FBN3: variants seen among roughly 807,000 people sequenced by gnomAD.
FBN3 encodes the protein fibrillin-3.
FBN3 carries 234 observed loss-of-function variants against 330.1 expected under a neutral mutation model. The ratio of observed to expected loss-of-function variants is 0.71; its 90% CI spans 0.64 to 0.79. The LOEUF is 0.79. Among genes scored for constraint, FBN3 ranks in the 30% least tolerant of loss-of-function variants. The pLI, the probability that FBN3 is intolerant of heterozygous loss-of-function variation, is 0.00. For missense variants in FBN3, 3,606 were observed against 3,886.9 expected (o/e 0.93, Z 1.92); for synonymous variants, 1,458 against 1,517.3 (o/e 0.96, Z 0.91).
intron 22 of FBN3, among the ~76,000 whole-genome samples, chr19:8,125,369 G>A (rs545382879): frequency 6.6e-6 from 1 of 152,022 alleles, no homozygotes; most frequent in Non-Finnish European, 1.5e-5. Context: ...AGATGAGATT[G>A]CGCCACTGCA....
In FBN3 at chr19:8,066,098, G is replaced by T; in HGVS notation, c.8251C>A (p.Arg2751Ser). 6.2e-7 allele frequency: 1 copy of T among 1,613,538 alleles called. No homozygotes were observed. Among genetic ancestry groups the T allele is most frequent in the South Asian group, 1.1e-5 (1 of 91,084 alleles). ...CTGACGCCACGGAGGTGATGCATGC[G>T]AAAGAAACCTTGCTCGTTTCCGCGG... is the stretch of plus-strand genomic sequence containing the variant. ...IVRGNEQGFF[R>S]MHHLRGVSSL... Residue 2751 changes from arginine to serine, a missense_variant, in exon 64 of 64, where the codon CGC (arginine) becomes AGC (serine). Physicochemically the swap from Arg to Ser is moderately radical, Grantham distance 110. Coordinates refer to ENST00000600128, the MANE Select transcript of FBN3 (RefSeq NM_032447.5).
chr19:8,095,015 C>A (rs1268265601), intron 46 of FBN3, among the ~76,000 whole-genome samples: 7 of 151,968 alleles, frequency 4.6e-5, no homozygotes, highest in Admixed American at 3.3e-4. Context: ...CCCTGTTGCC[C>A]AGGCTGGATG....
intron 51 of FBN3, 120 bp downstream of exon 51, chr19:8,089,425 G>T: frequency 9.5e-7 from 1 of 1,048,794 alleles, no homozygotes; most frequent in Non-Finnish European, 1.4e-6. Flanking sequence ...ATGGGGGAGA[G>T]AGGCAGTGGT....
chr19:8,068,405 T>C, intron 63 of FBN3, among the ~76,000 whole-genome samples: 1 of 97,642 alleles, frequency 1.0e-5, no homozygotes, highest in African/African-American at 3.8e-5. Flanking sequence ...AAAAAAAAAA[T>C]CAATAAATAG....
At chr19:8,095,556 A>G in intron 45 of FBN3, 53 bp from the exon 46 acceptor site, 1 of 1,589,570 alleles carries the variant, frequency 6.3e-7, no homozygotes. Flanking sequence ...GAAGGGATCA[A>G]ACCTTCCTTG....
At chr19:8,146,437 T>C (rs1362735200) in intron 3 of FBN3, among the ~76,000 whole-genome samples, 6 of 152,082 alleles carry the variant, frequency 3.9e-5, no homozygotes, top group African/African-American at 1.2e-4. Flanking sequence ...AGGCTGTGGG[T>C]TGGGGACTCT....
chr19:8,100,670 C>T, intron 41 of FBN3, among the ~76,000 whole-genome samples: 1 of 152,060 alleles, frequency 6.6e-6, no homozygotes, highest in East Asian at 1.9e-4. Context: ...ATATATTTTA[C>T]TATCATTTTA....
At chr19:8,110,741 G>A (rs2082559990) in intron 34 of FBN3, 104 bp downstream of exon 34, 1 of 1,469,158 alleles carries the variant, frequency 6.8e-7, no homozygotes, top group East Asian at 2.3e-5. Flanking sequence ...GACTGCAGGG[G>A]AGGATGCTTG....
In FBN3 at chr19:8,087,873, T is replaced by A. The variant is rs781402347; in HGVS notation, c.6571A>T (p.Thr2191Ser). 13 of 1,613,954 alleles carry A rather than the reference T, an allele frequency of 8.1e-6. No homozygotes were observed. The highest frequency in any genetic ancestry group is 1.1e-5 in the Non-Finnish European group (13 of 1,180,010). The change falls in exon 53 of 64, where the codon ACC (threonine) becomes TCC (serine). Residue 2191 changes from threonine to serine, a missense_variant. Coordinates refer to ENST00000600128, the MANE Select transcript of FBN3 (RefSeq NM_032447.5). ...CGCAGGGTGTAGCCGGCTGGACAGG[T>A]GCACAGGTAGGAGCCCTCGGTATTG... ...CHNTEGSYLC[T>S]CPAGYTLRED...
chr19:8,137,527 C>A (rs1172742432), intron 10 of FBN3, among the ~76,000 whole-genome samples: 3 of 152,150 alleles, frequency 2.0e-5, no homozygotes, highest in Non-Finnish European at 2.9e-5. Flanking sequence ...CATTATGGGG[C>A]AAGAACCCAC....
In FBN3 at chr19:8,102,349, G is replaced by A. The variant is rs557501988; in HGVS notation, c.5089+375C>T. 2.0e-5 allele frequency among the ~76,000 whole-genome samples: 3 copies of A among 152,042 alleles called. No individual in the cohort carries two copies. In the South Asian group the frequency reaches 6.2e-4, roughly 32 times the overall value. On this transcript the variant is annotated intron_variant, in intron 40 of 63. Transcript: ENST00000600128. ...CTTGCCTCAGCCTCCCAAGTAGCTG[G>A]GATTACGGGCCTGCGCCACCACACC... is the stretch of plus-strand genomic sequence containing the variant.
At chr19:8,113,994 AAAAT>A (rs150558798) in intron 30 of FBN3, among the ~76,000 whole-genome samples, 8,369 of 151,756 alleles carry the variant, frequency 0.055, 344 homozygotes, top group East Asian at 0.19. Flanking sequence ...CTATCTCACA[AAAAT>A]AAATAAATAA....
rs775317540 is a variant in FBN3, at chr19:8,129,166, G to A, written c.2171-13C>T. On this transcript the variant is annotated splice_polypyrimidine_tract_variant and intron_variant, in intron 17 of 63. Transcript: ENST00000600128. The surrounding 1 kb of genome is among the most constrained non-coding windows in gnomAD (Gnocchi z 4.5). ...CACTCATCCACGTCTGTGGGGTGGGGGTGGGAGAGAGGGGTGAGGGGTCTG... is the reference window on the plus strand; with the variant it reads ...CACTCATCCACGTCTGTGGGGTGGGAGTGGGAGAGAGGGGTGAGGGGTCTG... 2 of 1,612,600 alleles carry A rather than the reference G, an allele frequency of 1.2e-6. No homozygotes were observed. Among genetic ancestry groups the A allele is most frequent in the Non-Finnish European group, 1.7e-6 (2 of 1,179,536 alleles).
At chr19:8,144,664 G>A (rs1050989998) in intron 6 of FBN3, among the ~76,000 whole-genome samples, 1 of 151,712 alleles carries the variant, frequency 6.6e-6, no homozygotes, top group African/African-American at 2.4e-5. Context: ...TTTCCTACCA[G>A]ACTCCAACAC....
intron 30 of FBN3, among the ~76,000 whole-genome samples, chr19:8,112,700 G>A (rs749766386): frequency 3.3e-5 from 5 of 152,046 alleles, no homozygotes; most frequent in Non-Finnish European, 7.4e-5. Flanking sequence ...GTATGAACAC[G>A]CCCCTTTTCC....
chr19:8,135,936 G>GGGGGGGGCCCC, intron 13 of FBN3, 25 bp downstream of exon 13: 1 of 668,774 alleles, frequency 1.5e-6, no homozygotes, highest in Non-Finnish European at 2.4e-6. Flanking sequence ...GGAAGCCCCT[G>GGGGGGGGCCCC]CCCACCCGCC....
chr19:8,136,678 T>C, intron 10 of FBN3, 147 bp from the exon 11 acceptor site: 1 of 1,090,082 alleles, frequency 9.2e-7, no homozygotes, highest in Non-Finnish European at 1.3e-6. Flanking sequence ...TCATGGAGAG[T>C]CCTGCCTTAG....
intron 53 of FBN3, 70 bp downstream of exon 53, chr19:8,087,755 T>C (rs2081998969): frequency 4.3e-6 from 6 of 1,383,282 alleles, no homozygotes; most frequent in South Asian, 1.2e-5. Flanking sequence ...ATTACAGGCG[T>C]GTGCCACCAT....
chr19:8,081,085 A>G lies in FBN3; in HGVS notation c.7371T>C (p.Cys2457=). 6.2e-7 allele frequency: 1 copy of G among 1,613,792 alleles called. No individual in the cohort carries two copies. The highest frequency in any genetic ancestry group is 1.1e-5 in the South Asian group (1 of 91,080). Residue 2457 remains cysteine, a synonymous_variant, in exon 59 of 64, where the codon TGT becomes TGC. Coordinates refer to ENST00000600128, the MANE Select transcript of FBN3 (RefSeq NM_032447.5). ...LDECTSRQHN[C]QFLCVNTVGA... Reference sequence around the variant, plus strand: ...CCACAGTGTTGACACAGAGGAACTGACAGTTGTGCTGCCGGGAGGTGCATT... The same window carrying G: ...CCACAGTGTTGACACAGAGGAACTGGCAGTTGTGCTGCCGGGAGGTGCATT...
Sources: gnomAD v4.1 joint callset for allele counts (sites outside exome capture counted in the v4.1 genomes callset) on GRCh38, gnomAD v4.1.1 for gene constraint, Gnocchi (gnomAD v3.1) non-coding constraint, MANE v1.5 for transcripts, NCBI Gene and HGNC (gene_info 2026-07-23, HGNC 2026-07-21) for gene names.